Variants in DMXL2 observed in about 807,000 individuals in gnomAD.
DMXL2 encodes the protein dmX-like protein 2.
Under a neutral mutation model 331.1 loss-of-function variants are expected in DMXL2, and 103 were observed. The observed-to-expected ratio is 0.31, with a 90% confidence interval of 0.27 to 0.37. DMXL2 has a LOEUF of 0.37. Ranked by LOEUF, DMXL2 falls within the 10% of genes least tolerant of loss-of-function variation. DMXL2 has a pLI of 1.00. For missense variants in DMXL2, 3,171 were observed against 3,642.9 expected (o/e 0.87, Z 3.33); for synonymous variants, 1,281 against 1,252.1 (o/e 1.02, Z -0.49).
intron 2 of DMXL2, among the ~76,000 whole-genome samples, chr15:51,572,196 A>C (rs1204909137): frequency 6.7e-6 from 1 of 148,558 alleles, no homozygotes; most frequent in Non-Finnish European, 1.5e-5. Flanking sequence ...AGAAATGGAT[A>C]AATTCCTGGA....
chr15:51,454,430 T>C (rs1346543161), intron 40 of DMXL2, among the ~76,000 whole-genome samples: 4 of 152,166 alleles, frequency 2.6e-5, no homozygotes, highest in Admixed American at 2.0e-4. Flanking sequence ...AGGTGGCTCA[T>C]TGGGATTGGT....
chr15:51,512,898 AT>A (rs2046841168), intron 15 of DMXL2, among the ~76,000 whole-genome samples: 1 of 152,030 alleles, frequency 6.6e-6, no homozygotes, highest in Non-Finnish European at 1.5e-5. Flanking sequence ...TTTAACCTAC[AT>A]TATGGGAATA....
At chr15:51,493,374 C>A (rs1338437168) in intron 19 of DMXL2, among the ~76,000 whole-genome samples, 1 of 152,040 alleles carries the variant, frequency 6.6e-6, no homozygotes, top group Non-Finnish European at 1.5e-5. Context: ...AAAATACACA[C>A]AGACATGTCA....
rs548262001 is a variant in DMXL2, at chr15:51,555,305, G to A, written c.568-7897C>T. Among the ~76,000 whole-genome samples, 3 of 152,310 alleles carry A rather than the reference G, an allele frequency of 2.0e-5. No individual in the cohort carries two copies. The South Asian group carries it at 6.2e-4, about 32-fold the overall frequency. The stretch of plus-strand genomic sequence containing the variant: ...GCTTCAACCAGATTATAAGAGTGGA[G>A]GTGGTAAAGAAGTAAGCAGATTGTG... On this transcript the variant is annotated intron_variant, in intron 6 of 43. Coordinates refer to ENST00000560891, the MANE Select transcript of DMXL2 (RefSeq NM_001378457.1).
intron 3 of DMXL2, 101 bp downstream of exon 3, chr15:51,568,386 T>C (rs1241606992): frequency 1.4e-6 from 1 of 713,310 alleles, no homozygotes; most frequent in Non-Finnish European, 2.2e-6. Flanking sequence ...GATACTCTAG[T>C]CTATTTTCAG....
At chr15:51,536,966 T>A in intron 11 of DMXL2, 104 bp from the exon 12 acceptor site, 1 of 1,026,190 alleles carries the variant, frequency 9.7e-7, no homozygotes, top group South Asian at 1.7e-5. Context: ...TCAAAAAATG[T>A]CATTTTCAAC....
chr15:51,569,093 TC>T (rs1212749978), intron 2 of DMXL2, among the ~76,000 whole-genome samples: 1 of 152,166 alleles, frequency 6.6e-6, no homozygotes, highest in Non-Finnish European at 1.5e-5. Context: ...ACTGCACTTT[TC>T]CCATGGTCTT....
intron 6 of DMXL2, among the ~76,000 whole-genome samples, chr15:51,558,113 G>A (rs528495407): frequency 1.3e-5 from 2 of 152,212 alleles, no homozygotes; most frequent in African/African-American, 2.4e-5. Flanking sequence ...TGAGTGCTGA[G>A]AACTGATGCC....
chr15:51,609,754 C>A (rs1242314491), intron 1 of DMXL2, among the ~76,000 whole-genome samples: 2 of 152,076 alleles, frequency 1.3e-5, no homozygotes, highest in Admixed American at 6.5e-5. Flanking sequence ...CATGGTGAAA[C>A]CCCACCTCTA....
rs1356800244 is a variant in DMXL2 at position 51,466,220 on chromosome 15, G to C, written c.7484C>G (p.Thr2495Arg). 1.3e-6 allele frequency: 2 copies of C among 1,575,080 alleles called. No individual in the cohort carries two copies. Among genetic ancestry groups the C allele is most frequent in the Middle Eastern group, 1.7e-4 (1 of 5,934 alleles). ...TGGATCTTGGTGCTCCTGTATTTGT[G>C]TATCTGAAAAAAAGGCATCATCTTC... is the stretch of plus-strand genomic sequence containing the variant. ...DEEDDAFFSD[T>R]QIQEHQDPNS... Residue 2495 changes from threonine (T) to arginine (R), a missense_variant, in exon 30 of 44, where the codon ACA (threonine) becomes AGA (arginine). Coordinates refer to ENST00000560891, the MANE Select transcript of DMXL2 (RefSeq NM_001378457.1).
Position 51,480,106 on chromosome 15 carries a change from G to A in DMXL2, c.6598C>T (p.Pro2200Ser). The change falls in exon 25 of 44, where the codon CCA (proline) becomes TCA (serine). Residue 2200 changes from proline (P) to serine (S), a missense_variant. Pro to Ser is a moderately conservative substitution (Grantham distance 74). This residue lies in a region of DMXL2 where 197 missense variants were observed against 196.2 expected (regional missense o/e 1.00). Transcript: ENST00000560891. ...TTVKQLQSPL[P>S]LPTTLPLLSA... ...AGCAGAGGTAGGGTGGTAGGCAGTG[G>A]TAGTGGAGACTGGAGCTGCTTTACT... is the stretch of plus-strand genomic sequence containing the variant. The A allele has an allele frequency of 6.3e-7, 1 of 1,578,564 alleles. No homozygotes were observed. The highest frequency in any genetic ancestry group is 8.7e-7 in the Non-Finnish European group (1 of 1,154,532).
At chr15:51,476,399 T>C (rs1041730609) in intron 27 of DMXL2, among the ~76,000 whole-genome samples, 190 bp downstream of exon 27, 3 of 152,126 alleles carry the variant, frequency 2.0e-5, no homozygotes, top group Non-Finnish European at 4.4e-5. Context: ...AAGCCTTAAC[T>C]TCCTGAGTCT....
chr15:51,499,890 T>G lies in DMXL2; in HGVS notation c.3334A>C (p.Thr1112Pro). 2 of 1,614,182 alleles carry G rather than the reference T, an allele frequency of 1.2e-6. No individual in the cohort carries two copies. The highest frequency in any genetic ancestry group is 1.7e-6 in the Non-Finnish European group (2 of 1,180,010). ...TCTAAAACCCACTCTGATCCTCCTG[T>G]AGATTCACATTCAAATATACAAACA... is the stretch of plus-strand genomic sequence containing the variant. ...MHVCIFECES[T>P]GGSEWVLEQT... Residue 1112 changes from threonine (T) to proline (P), a missense_variant, in exon 18 of 44, where the codon ACA (threonine) becomes CCA (proline). Around this residue, in one of 7 missense-constraint regions of DMXL2, gnomAD observed 1,674 missense variants for 1,780.2 expected, o/e 0.94. Coordinates refer to ENST00000560891, the MANE Select transcript of DMXL2 (RefSeq NM_001378457.1).
intron 1 of DMXL2, among the ~76,000 whole-genome samples, chr15:51,613,395 T>C (rs977687180): frequency 1.3e-5 from 2 of 152,264 alleles, no homozygotes; most frequent in African/African-American, 4.8e-5. Context: ...TCTTCTGCCA[T>C]AGCTTCAGCC....
chr15:51,588,518 T>C (rs1274908064), intron 1 of DMXL2, among the ~76,000 whole-genome samples: 1 of 152,188 alleles, frequency 6.6e-6, no homozygotes, highest in Non-Finnish European at 1.5e-5. Flanking sequence ...CATTTTACAT[T>C]TGAAAGTTTT....
At chr15:51,487,586 T>TC (rs538984441) in intron 22 of DMXL2, among the ~76,000 whole-genome samples, 135 of 152,214 alleles carry the variant, frequency 8.9e-4, no homozygotes, top group African/African-American at 3.1e-3. Context: ...GCCTCCCGAG[T>TC]AGCTGGGACT....
chr15:51,449,872 A>G (rs1276029983), intron 43 of DMXL2, among the ~76,000 whole-genome samples: 1 of 152,068 alleles, frequency 6.6e-6, no homozygotes, highest in African/African-American at 2.4e-5. Context: ...TTAAACTCAT[A>G]CACTTTACTC....
At chr15:51,595,176 C>T (rs2141270300) in intron 1 of DMXL2, among the ~76,000 whole-genome samples, 1 of 152,316 alleles carries the variant, frequency 6.6e-6, no homozygotes, top group South Asian at 2.1e-4. Flanking sequence ...AAAACCCCAT[C>T]ATCTCAGCCC....
In DMXL2 at chr15:51,622,558, G is replaced by C. The variant is rs750187919; in HGVS notation, c.-13C>G. On this transcript the variant is annotated 5_prime_UTR_variant, in exon 1 of 44. Coordinates refer to ENST00000560891, the MANE Select transcript of DMXL2 (RefSeq NM_001378457.1). The stretch of plus-strand genomic sequence containing the variant: ...GATGCAGATGCATCTCCGGAGCCCG[G>C]GCTGGACAGAATGCGCGGGAGGTGC... The C allele has an allele frequency of 3.2e-6, 5 of 1,547,066 alleles. No homozygotes were observed. Among genetic ancestry groups the C allele is most frequent in the Non-Finnish European group, 1.7e-6 (2 of 1,144,576 alleles).
Sources: allele counts gnomAD v4.1 joint callset (sites outside exome capture counted in the v4.1 genomes callset), GRCh38; gene constraint gnomAD v4.1.1; regional missense constraint gnomAD v4.1.1; transcripts MANE v1.5; gene names NCBI Gene and HGNC (gene_info 2026-07-23, HGNC 2026-07-21).